Variants in TAFA2 observed in about 807,000 individuals in gnomAD.
The protein encoded by TAFA2 is chemokine-like protein TAFA-2.
In TAFA2, 7 loss-of-function variants were observed where a neutral mutation model predicts 18.8. That is an observed-to-expected ratio of 0.37 (90% CI 0.21 to 0.70). TAFA2 has a LOEUF of 0.70. Ranked by LOEUF, TAFA2 falls within the 30% of genes least tolerant of loss-of-function variation. TAFA2 has a pLI of 0.53. For missense variants in TAFA2, 122 were observed against 158.1 expected (o/e 0.77, Z 1.23); for synonymous variants, 60 against 54.2 (o/e 1.11, Z -0.47).
chr12:62,205,604 G>GCCATGAT (rs2136970054), intron 1 of TAFA2, among the ~76,000 whole-genome samples: 1 of 152,306 alleles, frequency 6.6e-6, no homozygotes, highest in African/African-American at 2.4e-5. Context: ...AGGGAGTCTG[G>GCCATGAT]CCATGATCTG....
intron 1 of TAFA2, among the ~76,000 whole-genome samples, chr12:62,190,518 C>G (rs1176758077): frequency 6.6e-6 from 1 of 152,124 alleles, no homozygotes; most frequent in Non-Finnish European, 1.5e-5. Context: ...AATAAAAAAC[C>G]ATTAGTTTCC....
At chr12:62,152,151 T>C (rs1429957956) in intron 1 of TAFA2, among the ~76,000 whole-genome samples, 1 of 152,234 alleles carries the variant, frequency 6.6e-6, no homozygotes, top group Non-Finnish European at 1.5e-5. Context: ...AGATGATCTC[T>C]AGAAGCTTTT....
intron 1 of TAFA2, among the ~76,000 whole-genome samples, chr12:62,060,483 T>G (rs142162458): frequency 5.5e-4 from 84 of 152,370 alleles, no homozygotes; most frequent in African/African-American, 2.0e-3. Context: ...CATACAATAA[T>G]GTACAATACA....
chr12:62,164,303 C>T (rs2062425088), intron 1 of TAFA2, among the ~76,000 whole-genome samples: 1 of 152,096 alleles, frequency 6.6e-6, no homozygotes, highest in African/African-American at 2.4e-5. Context: ...CTATCTTGTT[C>T]CTCGAGAACT....
intron 1 of TAFA2, among the ~76,000 whole-genome samples, chr12:61,923,385 G>C (rs188039079): frequency 6.6e-6 from 1 of 152,332 alleles, no homozygotes; most frequent in African/African-American, 2.4e-5. Context: ...GAAAGTTCGA[G>C]AGGAAGGAAC....
intron 2 of TAFA2, among the ~76,000 whole-genome samples, chr12:61,792,903 T>C (rs1249934409): frequency 6.6e-6 from 1 of 151,530 alleles, no homozygotes; most frequent in East Asian, 1.9e-4. Flanking sequence ...TTGCACAACA[T>C]TATCAATAAG....
chr12:61,729,965 G>A (rs956695143), intron 4 of TAFA2, among the ~76,000 whole-genome samples: 1 of 152,122 alleles, frequency 6.6e-6, no homozygotes, highest in Non-Finnish European at 1.5e-5. Flanking sequence ...GACTTCCTGA[G>A]AGAAAGACTG....
At chr12:62,007,080 C>A (rs1880576530) in intron 1 of TAFA2, among the ~76,000 whole-genome samples, 1 of 152,106 alleles carries the variant, frequency 6.6e-6, no homozygotes, top group Non-Finnish European at 1.5e-5. Flanking sequence ...TGTCACCTGG[C>A]CACCTCTCTA....
chr12:62,106,379 AAAAC>A (rs1285129008), intron 1 of TAFA2, among the ~76,000 whole-genome samples: 5 of 152,052 alleles, frequency 3.3e-5, no homozygotes, highest in Admixed American at 6.6e-5. Context: ...AACAAAAACA[AAAAC>A]AAACGAACAA....
chr12:62,223,970 A>C (rs954502783), intron 1 of TAFA2, among the ~76,000 whole-genome samples: 1 of 152,170 alleles, frequency 6.6e-6, no homozygotes, highest in African/African-American at 2.4e-5. Context: ...GAGGGACTTG[A>C]ATAGATATTT....
chr12:61,731,172 T>G (rs1870430452), intron 4 of TAFA2, among the ~76,000 whole-genome samples: 1 of 152,116 alleles, frequency 6.6e-6, no homozygotes, highest in African/African-American at 2.4e-5. Flanking sequence ...CAGCTCTAGG[T>G]GAGGTTAAAT....
rs761159339 is a variant in TAFA2, at chr12:62,190,832, A to C, written c.-2+427T>G. ...AAAGATGACCTGACACATCCCATTG[A>C]TCTTCCCTGGAATGCGACCCCCAAC... On this transcript the variant is annotated intron_variant, in intron 1 of 4. Transcript: ENST00000416284. 4.0e-4 allele frequency among the ~76,000 whole-genome samples: 61 copies of C among 152,244 alleles called. No individual in the cohort carries two copies. The Middle Eastern group carries it at 0.034, about 85-fold the overall frequency.
chr12:61,922,219 A>G (rs1445200525), intron 1 of TAFA2, among the ~76,000 whole-genome samples: 2 of 152,240 alleles, frequency 1.3e-5, no homozygotes, highest in Non-Finnish European at 2.9e-5. Flanking sequence ...AAATGATCCA[A>G]TAAAAAGTAA....
intron 1 of TAFA2, among the ~76,000 whole-genome samples, chr12:62,064,929 G>T (rs181963325): frequency 3.4e-4 from 51 of 152,010 alleles, no homozygotes; most frequent in African/African-American, 1.2e-3. Context: ...TAAACTAGAG[G>T]TTCAGTTTCC....
At chr12:62,010,312 C>T (rs1880693782) in intron 1 of TAFA2, among the ~76,000 whole-genome samples, 1 of 152,126 alleles carries the variant, frequency 6.6e-6, no homozygotes, top group South Asian at 2.1e-4. Flanking sequence ...AGCGCGCCGC[C>T]ATGCCTGACT....
intron 1 of TAFA2, among the ~76,000 whole-genome samples, chr12:62,127,270 T>A (rs886492708): frequency 6.6e-6 from 1 of 151,938 alleles, no homozygotes; most frequent in Non-Finnish European, 1.5e-5. Flanking sequence ...AGAAGGAAGA[T>A]TGCACCTTCC....
intron 1 of TAFA2, among the ~76,000 whole-genome samples, chr12:62,204,957 A>G (rs892377919): frequency 6.6e-6 from 1 of 152,082 alleles, no homozygotes; most frequent in Non-Finnish European, 1.5e-5. Flanking sequence ...TCTCATCTTC[A>G]TGAGTTTATT....
intron 4 of TAFA2, among the ~76,000 whole-genome samples, chr12:61,711,022 CA>C (rs1433263956): frequency 5.3e-5 from 8 of 151,824 alleles, no homozygotes; most frequent in African/African-American, 1.7e-4. Context: ...AATGTTGTAC[CA>C]AATGTTAAAG....
At chr12:62,022,455 G>A (rs1881174920) in intron 1 of TAFA2, among the ~76,000 whole-genome samples, 1 of 152,078 alleles carries the variant, frequency 6.6e-6, no homozygotes, top group South Asian at 2.1e-4. Context: ...TTCCTGTCAG[G>A]CAATCATTCA....
Sources: allele counts gnomAD v4.1 joint callset (sites outside exome capture counted in the v4.1 genomes callset), GRCh38; gene constraint gnomAD v4.1.1; transcripts MANE v1.5; gene names NCBI Gene and HGNC (gene_info 2026-07-23, HGNC 2026-07-21).